The following MTMR6 variants were observed in gnomAD, a reference collection of about 807,000 sequenced individuals.
The protein encoded by MTMR6 is phosphatidylinositol-3,5-bisphosphate 3-phosphatase MTMR6.
Under a neutral mutation model 80.1 loss-of-function variants are expected in MTMR6, and 47 were observed. The observed-to-expected ratio is 0.59, with a 90% CI of 0.46 to 0.75. The LOEUF is 0.75. Among genes scored for constraint, MTMR6 ranks in the 30% least tolerant of loss-of-function variants. MTMR6 has a pLI of 0.00. For missense variants in MTMR6, 629 were observed against 730.9 expected (o/e 0.86, Z 1.61); for synonymous variants, 254 against 253.0 (o/e 1.00, Z -0.04).
At position 25,254,444 on chromosome 13, in the gene MTMR6, A is replaced by G. The variant is rs1957151259; in HGVS notation, c.1096-10T>C. The G allele has an allele frequency of 4.0e-6, 6 of 1,511,228 alleles. No homozygotes were observed. The highest frequency in any genetic ancestry group is 5.5e-6 in the Non-Finnish European group (6 of 1,093,150). 93.6% of individuals were successfully genotyped at this position (1,511,228 alleles called of 1,614,324 possible). ...CCTTTTCTATTAAAACCTTAATGAG[A>G]AAAAGTAAAATTCACTTTCTGACTA... On this transcript the variant is annotated splice_polypyrimidine_tract_variant and intron_variant, in intron 9 of 13. Coordinates refer to ENST00000381801, the MANE Select transcript of MTMR6 (RefSeq NM_004685.5).
chr13:25,253,630 A>G, intron 11 of MTMR6, 134 bp downstream of exon 11: 1 of 789,768 alleles, frequency 1.3e-6, no homozygotes, highest in East Asian at 2.7e-5. Flanking sequence ...ACTCAGCTTT[A>G]GAAATACAAA....
rs1421993848 is a variant in MTMR6, at chr13:25,261,752, G to A, written c.642C>T (p.Cys214=). 1.2e-6 allele frequency: 2 copies of A among 1,613,548 alleles called. No homozygotes were observed. Among genetic ancestry groups the A allele is most frequent in the South Asian group, 2.2e-5 (2 of 91,048 alleles). Residue 214 remains cysteine, a synonymous_variant, in exon 6 of 14, where the codon TGC becomes TGT. Transcript: ENST00000381801. ...CTTGAAGCAAATGTTCATCCTCCAG[G>A]CACCTGGCACTGAATCCAGAGAGTG... The part of the protein sequence containing the change: ...SQPLSGFSAR[C]LEDEHLLQAI...
intron 3 of MTMR6, among the ~76,000 whole-genome samples, chr13:25,266,861 T>C (rs1957467701): frequency 6.6e-6 from 1 of 152,222 alleles, no homozygotes; most frequent in Admixed American, 6.5e-5. Flanking sequence ...AGACCACTCT[T>C]GCAGGCAGCA....
chr13:25,286,777 A>T (rs2137655403), intron 1 of MTMR6, among the ~76,000 whole-genome samples: 1 of 152,226 alleles, frequency 6.6e-6, no homozygotes, highest in South Asian at 2.1e-4. Context: ...TTCCTCCAAA[A>T]CTCGTACTGT....
At chr13:25,263,385 C>A (rs760251867) in intron 5 of MTMR6, among the ~76,000 whole-genome samples, 72 of 152,108 alleles carry the variant, frequency 4.7e-4, no homozygotes, top group Non-Finnish European at 6.2e-4. Context: ...TAAGGATGAA[C>A]CTGAAGACTC....
chr13:25,281,728 A>C (rs1035430665), intron 1 of MTMR6, among the ~76,000 whole-genome samples: 2 of 152,196 alleles, frequency 1.3e-5, no homozygotes, highest in Admixed American at 1.3e-4. Context: ...GAATCATTTC[A>C]CACTGACATC....
At chr13:25,273,639 C>T (rs1283310565) in intron 2 of MTMR6, among the ~76,000 whole-genome samples, 1 of 151,468 alleles carries the variant, frequency 6.6e-6, no homozygotes, top group African/African-American at 2.4e-5. Flanking sequence ...AATTCTCCTG[C>T]CTCACCCTCC....
At chr13:25,257,423 T>TG (rs2137536390) in intron 8 of MTMR6, 102 bp from the exon 9 acceptor site, 1 of 1,326,486 alleles carries the variant, frequency 7.5e-7, no homozygotes, top group Non-Finnish European at 1.0e-6. Context: ...GGAAGTGCTA[T>TG]GCCTGCAATG....
chr13:25,278,903 T>C (rs540535393), intron 1 of MTMR6, among the ~76,000 whole-genome samples: 2 of 151,878 alleles, frequency 1.3e-5, no homozygotes, highest in East Asian at 1.9e-4. Flanking sequence ...ATAAAACAGA[T>C]GCACAACTCC....
intron 6 of MTMR6, among the ~76,000 whole-genome samples, chr13:25,260,415 G>A (rs377011675): frequency 1.3e-5 from 2 of 152,082 alleles, no homozygotes; most frequent in Admixed American, 6.5e-5. Flanking sequence ...TGATCCACCC[G>A]CCGTGGCCTC....
chr13:25,250,414 A>G (rs1957058878), intron 13 of MTMR6, among the ~76,000 whole-genome samples: 1 of 152,170 alleles, frequency 6.6e-6, no homozygotes, highest in South Asian at 2.1e-4. Context: ...ACCATTTGTA[A>G]TATATATAAC....
chr13:25,257,012 C>G (rs558210948), intron 9 of MTMR6, among the ~76,000 whole-genome samples, 184 bp downstream of exon 9: 1 of 152,192 alleles, frequency 6.6e-6, no homozygotes, highest in Admixed American at 6.5e-5. Context: ...TGAGGCTGAC[C>G]CCCCAGCAAA....
At chr13:25,255,571 T>C (rs1957183954) in intron 9 of MTMR6, among the ~76,000 whole-genome samples, 1 of 152,160 alleles carries the variant, frequency 6.6e-6, no homozygotes, top group South Asian at 2.1e-4. Flanking sequence ...TTGCCCAGGC[T>C]GGAGTGCAGT....
intron 1 of MTMR6, among the ~76,000 whole-genome samples, chr13:25,280,630 G>T (rs1300519689): frequency 6.6e-6 from 1 of 152,144 alleles, no homozygotes; most frequent in African/African-American, 2.4e-5. Flanking sequence ...TCCCCAGTCT[G>T]TTCTTGGAAA....
At chr13:25,255,797 C>G (rs1370081886) in intron 9 of MTMR6, among the ~76,000 whole-genome samples, 1 of 152,224 alleles carries the variant, frequency 6.6e-6, no homozygotes, top group Non-Finnish European at 1.5e-5. Context: ...GCTGGGATTA[C>G]AGGCGTGAGC....
rs765574877 is a variant in MTMR6, at chr13:25,257,737, T to C, written c.968A>G (p.Lys323Arg). 6 of 1,603,764 alleles carry C rather than the reference T, an allele frequency of 3.7e-6. No individual in the cohort carries two copies. In the South Asian group the frequency reaches 5.5e-5, roughly 15 times the overall value. ...AVMDAAIFLA[K>R]AITVENASVL... ...CAAATATGAAAGATAAAGTATTACT[T>C]TGGCCAAGAAGATTGCAGCATCCAT... The change falls in exon 8 of 14, where the codon AAA becomes AGA. Residue 323 changes from lysine (K) to arginine (R), a missense_variant and splice_region_variant. Physicochemically the swap from Lys to Arg is conservative, Grantham distance 26. Transcript: ENST00000381801.
At position 25,250,203 on chromosome 13, in the gene MTMR6, A is replaced by T. The variant is rs145807405; in HGVS notation, c.1606-711T>A. Among the ~76,000 whole-genome samples, 716 of 152,260 alleles carry T rather than the reference A, an allele frequency of 4.7e-3. 18 individuals carry two copies. Among genetic ancestry groups the T allele is most frequent in the Admixed American group, 0.038 (582 of 15,296 alleles). On this transcript the variant is annotated intron_variant, in intron 13 of 13. Coordinates refer to ENST00000381801, the MANE Select transcript of MTMR6 (RefSeq NM_004685.5). ...TGTTATAACTGTCTAGGATTTAAAA[A>T]ATATATATATACTTACTGATCCTTT...
chr13:25,255,104 T>C (rs1333802113), intron 9 of MTMR6, among the ~76,000 whole-genome samples: 5 of 152,212 alleles, frequency 3.3e-5, no homozygotes, highest in African/African-American at 1.2e-4. Flanking sequence ...TTAGTACACT[T>C]TATCACTTAA....
rs761308981 is a variant in MTMR6 at position 25,249,356 on chromosome 13, G to T, written c.1742C>A (p.Ala581Asp). Residue 581 changes from alanine to aspartate, a missense_variant, in exon 14 of 14, where the codon GCT becomes GAT. Transcript: ENST00000381801. ...KEQTLLPVNDALRTIEGSSPA... is the reference protein window; with the variant it reads ...KEQTLLPVNDDLRTIEGSSPA... ...GCTGCTGCCCTCTATAGTTCGAAGA[G>T]CATCATTTACGGGTAGCAGAGTCTG... is the stretch of plus-strand genomic sequence containing the variant. 1.2e-6 allele frequency: 2 copies of T among 1,614,148 alleles called. No individual in the cohort carries two copies. The highest frequency in any genetic ancestry group is 1.7e-6 in the Non-Finnish European group (2 of 1,179,988).
Sources: gnomAD v4.1 joint callset for allele counts (sites outside exome capture counted in the v4.1 genomes callset) on GRCh38, gnomAD v4.1.1 for gene constraint, MANE v1.5 for transcripts, NCBI Gene and HGNC (gene_info 2026-07-23, HGNC 2026-07-21) for gene names.